The following STX6 variants were observed in gnomAD, a reference collection of about 807,000 sequenced individuals.
STX6 encodes the protein syntaxin 6.
Under a neutral mutation model 38.0 loss-of-function variants are expected in STX6, and 23 were observed. That is an observed-to-expected ratio of 0.60 (90% confidence interval 0.43 to 0.86). The LOEUF is 0.86. Ranked by LOEUF, STX6 falls within the 40% of genes least tolerant of loss-of-function variation. The pLI is 0.00. For missense variants in STX6, 274 were observed against 312.9 expected (o/e 0.88, Z 0.94); for synonymous variants, 123 against 107.5 (o/e 1.14, Z -0.89).
At chr1:181,021,192 A>T (rs904330605) in intron 1 of STX6, among the ~76,000 whole-genome samples, 1 of 152,238 alleles carries the variant, frequency 6.6e-6, no homozygotes, top group East Asian at 1.9e-4. Flanking sequence ...ATTTCTGATC[A>T]TCTCTGATCT....
intron 1 of STX6, among the ~76,000 whole-genome samples, chr1:181,011,440 T>G (rs1656395448): frequency 6.6e-6 from 1 of 152,160 alleles, no homozygotes; most frequent in Non-Finnish European, 1.5e-5. Flanking sequence ...TGGTCACAAG[T>G]CTTATTTGGA....
intron 1 of STX6, among the ~76,000 whole-genome samples, chr1:181,011,202 G>A (rs945102709): frequency 2.0e-5 from 3 of 152,124 alleles, no homozygotes; most frequent in African/African-American, 4.8e-5. Context: ...TAAACTAGTC[G>A]TTATTTTACA....
At chr1:181,001,217 C>T (rs928011828) in intron 3 of STX6, among the ~76,000 whole-genome samples, 2 of 152,172 alleles carry the variant, frequency 1.3e-5, no homozygotes, top group Non-Finnish European at 2.9e-5. Context: ...CTTTGGCAAA[C>T]ACAAACTAAG....
chr1:181,016,435 A>C (rs116873057), intron 1 of STX6, among the ~76,000 whole-genome samples: 7 of 152,288 alleles, frequency 4.6e-5, no homozygotes, highest in African/African-American at 1.7e-4. Context: ...GTGTTCTCCA[A>C]ACTAAGGAGC....
intron 1 of STX6, among the ~76,000 whole-genome samples, chr1:181,013,517 G>A (rs6425660): frequency 0.4 from 60,364 of 151,986 alleles, 12,934 homozygotes; most frequent in African/African-American, 0.56. Context: ...ACAGGGTCTC[G>A]CTGTTGCCCA....
At chr1:181,002,857 C>T (rs1656122608) in intron 2 of STX6, among the ~76,000 whole-genome samples, 157 bp from the exon 3 acceptor site, 2 of 152,188 alleles carry the variant, frequency 1.3e-5, no homozygotes, top group African/African-American at 4.8e-5. Context: ...CTTCCTCTGC[C>T]CACAGCCACA....
intron 4 of STX6, among the ~76,000 whole-genome samples, chr1:180,993,023 C>T (rs967273819): frequency 3.3e-5 from 5 of 152,262 alleles, no homozygotes; most frequent in African/African-American, 9.6e-5. Flanking sequence ...AATTATAGCC[C>T]TTCAAAGAGC....
intron 6 of STX6, among the ~76,000 whole-genome samples, chr1:180,987,432 A>G (rs1655620426): frequency 6.6e-6 from 1 of 152,212 alleles, no homozygotes; most frequent in Non-Finnish European, 1.5e-5. Context: ...TGCAAGCGGC[A>G]AACTCTTTGG....
Position 180,976,594 on chromosome 1 carries a change from C to T in STX6, c.744G>A (p.Val248=). The T allele has an allele frequency of 3.7e-6, 6 of 1,613,706 alleles. No homozygotes were observed. Among genetic ancestry groups the T allele is most frequent in the Non-Finnish European group, 5.1e-6 (6 of 1,180,014 alleles). The change falls in exon 8 of 8, where the codon GTG becomes GTA. Residue 248 remains valine, a synonymous_variant. Transcript: ENST00000258301. ...IAILFAVLLV[V]LILFLVL ...GTCACAGCACTAAGAAGAGGATGAGCACAACCAACAGGACTGCAAAGAGGA... is the reference window on the plus strand; with the variant it reads ...GTCACAGCACTAAGAAGAGGATGAGTACAACCAACAGGACTGCAAAGAGGA...
In STX6 at chr1:180,986,169, A is replaced by C. The variant is rs1655577590; in HGVS notation, c.597-1398T>G. ...ATCATCCGACCTTCAGTCCATGGAC[A>C]CTCACCAACCAAGTTGCTAGCCCAA... On this transcript the variant is annotated intron_variant, in intron 6 of 7. Coordinates refer to ENST00000258301, the MANE Select transcript of STX6 (RefSeq NM_005819.6). Among the ~76,000 whole-genome samples, 4 of 152,196 alleles carry C rather than the reference A, an allele frequency of 2.6e-5. No homozygotes were observed. In the South Asian group the frequency reaches 8.3e-4, roughly 32 times the overall value.
rs1294501695 is a variant in STX6 at position 180,984,678 on chromosome 1, A to G, written c.690T>C (p.Ser230=). 1 of 1,457,456 alleles carries G rather than the reference A, an allele frequency of 6.9e-7. No homozygotes were observed. Among genetic ancestry groups the G allele is most frequent in the East Asian group, 2.3e-5 (1 of 43,892 alleles). The allele number at this position is 1,457,456 out of a possible 1,614,324, so 90.3% of individuals were successfully genotyped here. The change falls in exon 7 of 8, where the codon AGT becomes AGC. Residue 230 remains serine, a splice_region_variant and synonymous_variant. Coordinates refer to ENST00000258301, the MANE Select transcript of STX6 (RefSeq NM_005819.6). ...TTAAGCTTTAAACGCCATACATACC[A>G]CTGGTCATATGAGATACTTTTGCAA... ...KKLAKVSHMT[S]DRRQWCAIAI...
At chr1:180,990,584 C>T (rs1336532107) in intron 4 of STX6, among the ~76,000 whole-genome samples, 3 of 151,912 alleles carry the variant, frequency 2.0e-5, no homozygotes, top group African/African-American at 7.3e-5. Context: ...CCTGGAATGA[C>T]AAGAAGGTAA....
chr1:181,016,765 T>C (rs1287620019), intron 1 of STX6, among the ~76,000 whole-genome samples: 1 of 152,190 alleles, frequency 6.6e-6, no homozygotes, highest in Admixed American at 6.5e-5. Context: ...TATTTCAACA[T>C]CAATCCACAG....
At chr1:181,003,669 A>C (rs542279914) in intron 2 of STX6, among the ~76,000 whole-genome samples, 1 of 152,336 alleles carries the variant, frequency 6.6e-6, no homozygotes, top group East Asian at 1.9e-4. Flanking sequence ...ATCCTGACAG[A>C]AGCTGGTTTC....
intron 7 of STX6, among the ~76,000 whole-genome samples, chr1:180,983,409 C>T (rs1358059379): frequency 1.3e-5 from 2 of 152,152 alleles, no homozygotes; most frequent in African/African-American, 4.8e-5. Context: ...TCTCCTTCCA[C>T]CAAGCAACCC....
At position 180,976,663 on chromosome 1, in the gene STX6, G is replaced by A; in HGVS notation, c.692-17C>T. The A allele has an allele frequency of 2.5e-6, 4 of 1,611,566 alleles. No individual in the cohort carries two copies. The highest frequency in any genetic ancestry group is 1.1e-5 in the South Asian group (1 of 91,058). On this transcript the variant is annotated splice_polypyrimidine_tract_variant and intron_variant, in intron 7 of 7. Coordinates refer to ENST00000258301, the MANE Select transcript of STX6 (RefSeq NM_005819.6). The stretch of plus-strand genomic sequence containing the variant: ...GGCGCCGATCTGGAAGGCAGGACAT[G>A]GGGATTAGCTCTCACAGGGACTCCA...
In STX6 at chr1:180,972,913, C is replaced by T; in HGVS notation, c.*3657G>A. On this transcript the variant is annotated 3_prime_UTR_variant, in exon 8 of 8. Coordinates refer to ENST00000258301, the MANE Select transcript of STX6 (RefSeq NM_005819.6). ...AGGAGAGAAAGAAAAGAAAGACCAC[C>T]CCCTATTAGAAGCAAAGGCCCTGGG... 3.6e-6 allele frequency: 1 copy of T among 278,382 alleles called. No individual in the cohort carries two copies. Among genetic ancestry groups the T allele is most frequent in the Non-Finnish European group, 7.0e-6 (1 of 142,232 alleles). The allele number at this position is 278,382 out of a possible 1,614,324, so 17.2% of individuals were successfully genotyped here.
chr1:180,990,813 T>A (rs1655736313), intron 4 of STX6, among the ~76,000 whole-genome samples: 1 of 152,130 alleles, frequency 6.6e-6, no homozygotes, highest in South Asian at 2.1e-4. Context: ...GGGTCGGGTT[T>A]CCCAAGTATG....
Position 180,972,741 on chromosome 1 carries a change from T to G in STX6, c.*3829A>C, listed in dbSNP as rs1655154882. On this transcript the variant is annotated 3_prime_UTR_variant, in exon 8 of 8. Coordinates refer to ENST00000258301, the MANE Select transcript of STX6 (RefSeq NM_005819.6). ...CAAGTTGAATTCTTTTCAGGTTGTTTTATTTTCCTTTTCCGGAGACTTTTG... is the reference window on the plus strand; with the variant it reads ...CAAGTTGAATTCTTTTCAGGTTGTTGTATTTTCCTTTTCCGGAGACTTTTG... 2.5e-6 allele frequency: 1 copy of G among 402,802 alleles called. No individual in the cohort carries two copies. The highest frequency in any genetic ancestry group is 1.8e-5 in the South Asian group (1 of 54,142). The allele number at this position is 402,802 out of a possible 1,614,324, so 25.0% of individuals were successfully genotyped here.
Sources: gnomAD v4.1 joint callset for allele counts (sites outside exome capture counted in the v4.1 genomes callset) on GRCh38, gnomAD v4.1.1 for gene constraint, MANE v1.5 for transcripts, NCBI Gene and HGNC (gene_info 2026-07-23, HGNC 2026-07-21) for gene names.